Variants in USP8 observed in about 807,000 individuals in gnomAD.
USP8 encodes ubiquitin specific peptidase 8, also known as ubiquitin carboxyl-terminal hydrolase 8.
Under a neutral mutation model 130.0 loss-of-function variants are expected in USP8, and 27 were observed. The ratio of observed to expected loss-of-function variants is 0.21; its 90% CI spans 0.15 to 0.29. USP8 has a LOEUF of 0.29. Ranked by LOEUF, USP8 falls within the 10% of genes least tolerant of loss-of-function variation. The pLI is 1.00. For missense variants in USP8, 1,029 were observed against 1,312.2 expected (o/e 0.78, Z 3.33); for synonymous variants, 392 against 444.1 (o/e 0.88, Z 1.48).
At chr15:50,448,042 C>CTACT (rs1217956484) in intron 3 of USP8, among the ~76,000 whole-genome samples, 1 of 152,104 alleles carries the variant, frequency 6.6e-6, no homozygotes, top group Non-Finnish European at 1.5e-5. Context: ...CGCACATGGC[C>CTACT]TACTGTTAGT....
chr15:50,459,917 C>G (rs1359128456), intron 5 of USP8, among the ~76,000 whole-genome samples: 2 of 150,564 alleles, frequency 1.3e-5, no homozygotes, highest in African/African-American at 2.5e-5. Flanking sequence ...GGTACCAAGC[C>G]TTTTATCTGT....
Position 50,441,578 on chromosome 15 carries a change from A to G in USP8, c.249+85A>G, listed in dbSNP as rs1412927201. 2.5e-6 allele frequency: 3 copies of G among 1,202,418 alleles called. No homozygotes were observed. The African/African-American group carries it at 4.7e-5, about 19-fold the overall frequency. The allele number at this position is 1,202,418 out of a possible 1,614,324, so 74.5% of individuals were successfully genotyped here. ...TTTTTTCTAAAAATTTTAAGTAATAATGAAATGTAGCTCAAATTATATGCA... is the reference window on the plus strand; with the variant it reads ...TTTTTTCTAAAAATTTTAAGTAATAGTGAAATGTAGCTCAAATTATATGCA... On this transcript the variant is annotated intron_variant, in intron 3 of 19. Coordinates refer to ENST00000307179, the MANE Select transcript of USP8 (RefSeq NM_005154.5).
At position 50,478,991 on chromosome 15, in the gene USP8, T is replaced by C. The variant is rs375134442; in HGVS notation, c.1218+1492T>C. Among the ~76,000 whole-genome samples the C allele has an allele frequency of 9.2e-5, 14 of 151,930 alleles. No individual in the cohort carries two copies. In the East Asian group the frequency reaches 2.1e-3, roughly 23 times the overall value. ...AATCACATGAACCCAGGAAGCAGAG[T>C]TGTAGTGAGCCGAGATCAGGCCACT... On this transcript the variant is annotated intron_variant, in intron 10 of 19. Transcript: ENST00000307179.
rs1398394184 is a variant in USP8, at chr15:50,481,944, C to T, written c.1682C>T (p.Thr561Ile). The T allele has an allele frequency of 1.2e-6, 2 of 1,607,572 alleles. No individual in the cohort carries two copies. The highest frequency in any genetic ancestry group is 2.7e-5 in the African/African-American group (2 of 74,432). The change falls in exon 11 of 20, where the codon ACT becomes ATT. Residue 561 changes from threonine (T) to isoleucine (I), a missense_variant. By Grantham distance (89) the Thr-to-Ile change is moderately conservative. Around this residue, in one of 4 missense-constraint regions of USP8, gnomAD observed 486 missense variants for 522.0 expected, o/e 0.93. Coordinates refer to ENST00000307179, the MANE Select transcript of USP8 (RefSeq NM_005154.5). ...VKRQSKSEHE[T>I]SDAKKSVEDR... ...AGACAAAGTAAAAGTGAACATGAAA[C>T]TTCTGATGCCAAGAAATCTGTAGAA... is the stretch of plus-strand genomic sequence containing the variant.
At chr15:50,435,613 GATTGT>G (rs1377148619) in intron 1 of USP8, among the ~76,000 whole-genome samples, 1 of 152,170 alleles carries the variant, frequency 6.6e-6, no homozygotes, top group Non-Finnish European at 1.5e-5. Context: ...AAACGTGTGT[GATTGT>G]AGAGGCTCAA....
chr15:50,455,477 G>A (rs971233692), intron 4 of USP8, among the ~76,000 whole-genome samples: 6 of 151,966 alleles, frequency 3.9e-5, no homozygotes, highest in South Asian at 2.1e-4. Flanking sequence ...TTTCATTTAC[G>A]CCCTTGAGCA....
In USP8 at chr15:50,481,830, A is replaced by G; in HGVS notation, c.1568A>G (p.Glu523Gly). Reference sequence around the variant, plus strand: ...ACAGAGAAGCAACAAAAAGCAAAAGAAGAAATGGAGAAGAAAGAAAGTGAA... The same window carrying G: ...ACAGAGAAGCAACAAAAAGCAAAAGGAGAAATGGAGAAGAAAGAAAGTGAA... ...EITEKQQKAK[E>G]EMEKKESEQA... Residue 523 changes from glutamate (E) to glycine (G), a missense_variant, in exon 11 of 20, where the codon GAA becomes GGA. Glu to Gly is a moderately conservative substitution (Grantham distance 98). Around this residue, in one of 4 missense-constraint regions of USP8, gnomAD observed 486 missense variants for 522.0 expected, o/e 0.93. Transcript: ENST00000307179. The G allele has an allele frequency of 6.5e-7, 1 of 1,527,128 alleles. No individual in the cohort carries two copies. Among genetic ancestry groups the G allele is most frequent in the Non-Finnish European group, 8.7e-7 (1 of 1,143,180 alleles). The allele number at this position is 1,527,128 out of a possible 1,614,324, so 94.6% of individuals were successfully genotyped here.
At position 50,491,550 on chromosome 15, in the gene USP8, C is replaced by T. The variant is rs371030701; in HGVS notation, c.2234+1025C>T. Among the ~76,000 whole-genome samples, 36 of 151,996 alleles carry T rather than the reference C, an allele frequency of 2.4e-4. 1 individual carries two copies. The South Asian group carries it at 3.3e-3, about 14-fold the overall frequency. ...TTATATATTGAACAGAAAAAGCACA[C>T]GAGTACATGCACCTGAGTACAGGTA... On this transcript the variant is annotated intron_variant, in intron 14 of 19. Coordinates refer to ENST00000307179, the MANE Select transcript of USP8 (RefSeq NM_005154.5).
In USP8 at chr15:50,513,669, CAAAA is replaced by C. The variant is rs1392377474; in HGVS notation, c.*14582_*14585del. 1.3e-5 allele frequency: 2 copies of C among 151,998 alleles called. No homozygotes were observed. Among genetic ancestry groups the C allele is most frequent in the African/African-American group, 4.8e-5 (2 of 41,410 alleles). 9.4% of individuals were successfully genotyped at this position (151,998 alleles called of 1,614,324 possible). On this transcript the variant is annotated 3_prime_UTR_variant, in exon 20 of 20. Coordinates refer to ENST00000307179, the MANE Select transcript of USP8 (RefSeq NM_005154.5). ...ATAAAAGACTTGTTTAGGCATTTCA[CAAAA>C]GAAAGTATACAAATTTAAGTAGTTA...
intron 10 of USP8, among the ~76,000 whole-genome samples, chr15:50,478,318 A>G (rs1172190006): frequency 6.6e-6 from 1 of 152,220 alleles, no homozygotes; most frequent in African/African-American, 2.4e-5. Flanking sequence ...TTTAGTTTTT[A>G]TATCCTTCAT....
chr15:50,437,726 T>A (rs879036314), intron 1 of USP8, among the ~76,000 whole-genome samples: 1 of 152,248 alleles, frequency 6.6e-6, no homozygotes, highest in Admixed American at 6.5e-5. Flanking sequence ...TTTAGCAAGT[T>A]TGATGAATTG....
In USP8 at chr15:50,503,962, TAGA is replaced by T. The variant is rs1401986571; in HGVS notation, c.*4880_*4882del. On this transcript the variant is annotated 3_prime_UTR_variant, in exon 20 of 20. Coordinates refer to ENST00000307179, the MANE Select transcript of USP8 (RefSeq NM_005154.5). ...CAAATAAAGTATATTTAAATATATT[TAGA>T]AGAAGGAAACAAACTTTAGAAACTA... The T allele has an allele frequency of 6.6e-6, 1 of 152,160 alleles. No individual in the cohort carries two copies. Among genetic ancestry groups the T allele is most frequent in the East Asian group, 1.9e-4 (1 of 5,194 alleles). 9.4% of individuals were successfully genotyped at this position (152,160 alleles called of 1,614,324 possible).
chr15:50,489,251 A>G (rs557816988), intron 12 of USP8, among the ~76,000 whole-genome samples: 37 of 152,312 alleles, frequency 2.4e-4, no homozygotes, highest in African/African-American at 8.9e-4. Context: ...CTTTAGGTAG[A>G]TTTAGAATAA....
chr15:50,447,850 G>T (rs2050494426), intron 3 of USP8, among the ~76,000 whole-genome samples: 1 of 150,720 alleles, frequency 6.6e-6, no homozygotes, highest in South Asian at 2.1e-4. Context: ...CTATCCTCCT[G>T]CCTCTGCCTC....
intron 3 of USP8, chr15:50,444,626 G>T (rs1012016840): frequency 2.0e-5 from 3 of 151,934 alleles, no homozygotes; most frequent in African/African-American, 7.3e-5. Flanking sequence ...AGGCTGAGAC[G>T]CTCCCTGCAA....
Position 50,499,099 on chromosome 15 carries a change from GT to G in USP8, c.*13del. Reference sequence around the variant, plus strand: ...GATGTAGCCACATAAGGAGACATAGGTTATAAACTAGTTATCTTTTAAAAGG... The same window carrying G: ...GATGTAGCCACATAAGGAGACATAGGTATAAACTAGTTATCTTTTAAAAGG... On this transcript the variant is annotated 3_prime_UTR_variant, in exon 20 of 20. Coordinates refer to ENST00000307179, the MANE Select transcript of USP8 (RefSeq NM_005154.5). The G allele has an allele frequency of 6.4e-7, 1 of 1,571,022 alleles. No homozygotes were observed. The highest frequency in any genetic ancestry group is 1.9e-5 in the Admixed American group (1 of 52,582).
chr15:50,487,654 C>G (rs552169826), intron 12 of USP8, among the ~76,000 whole-genome samples: 2 of 152,314 alleles, frequency 1.3e-5, no homozygotes, highest in Non-Finnish European at 2.9e-5. Flanking sequence ...AGCAAGGGTA[C>G]TCAATATATC....
rs57125859 is a variant in USP8, at chr15:50,509,132, C to CAAAAAAAAAAAAA, written c.*10061_*10073dup. ...TGGGCGACAGAGCGAGACTCCGTCA[C>CAAAAAAAAAAAAA]AAAAAAAAAAAAAAAAAAAAAAAAA... On this transcript the variant is annotated 3_prime_UTR_variant, in exon 20 of 20. Transcript: ENST00000307179. 1 of 41,368 alleles carries CAAAAAAAAAAAAA rather than the reference C, an allele frequency of 2.4e-5. No homozygotes were observed. The highest frequency in any genetic ancestry group is 4.1e-5 in the Non-Finnish European group (1 of 24,450). The allele number at this position is 41,368 out of a possible 1,614,324, so 2.6% of individuals were successfully genotyped here.
rs749722937 is a variant in USP8, at chr15:50,481,549, C to T, written c.1287C>T (p.Asn429=). Residue 429 remains asparagine (N), a synonymous_variant, in exon 11 of 20, where the codon AAC becomes AAT. Coordinates refer to ENST00000307179, the MANE Select transcript of USP8 (RefSeq NM_005154.5). ...ATAGAATAAAATCTGAAAGTACAAACCATGAGCAACAATCTCCTCAGAGTG... is the reference window on the plus strand; with the variant it reads ...ATAGAATAAAATCTGAAAGTACAAATCATGAGCAACAATCTCCTCAGAGTG... ...EEHRIKSEST[N]HEQQSPQSGK... 1.2e-5 allele frequency: 19 copies of T among 1,612,086 alleles called. No individual in the cohort carries two copies. The highest frequency in any genetic ancestry group is 1.5e-5 in the Non-Finnish European group (18 of 1,179,552).
Sources: allele counts gnomAD v4.1 joint callset (sites outside exome capture counted in the v4.1 genomes callset), GRCh38; gene constraint gnomAD v4.1.1; regional missense constraint gnomAD v4.1.1; transcripts MANE v1.5; gene names NCBI Gene and HGNC (gene_info 2026-07-23, HGNC 2026-07-21).